The following ANKS1B variants were observed in gnomAD, a reference collection of about 807,000 sequenced individuals.
The protein encoded by ANKS1B is ankyrin repeat and sterile alpha motif domain containing 1B.
A neutral mutation model predicts 148.3 loss-of-function variants in ANKS1B; 36 were observed. That is an observed-to-expected ratio of 0.24 (90% CI 0.19 to 0.32). The LOEUF is 0.32. Among genes scored for constraint, ANKS1B ranks in the 10% least tolerant of loss-of-function variants. ANKS1B has a pLI of 1.00. For synonymous variants in ANKS1B, 542 were observed against 560.8 expected (o/e 0.97, Z 0.47); for missense variants, 1,157 against 1,542.6 (o/e 0.75, Z 4.19).
intron 1 of ANKS1B, among the ~76,000 whole-genome samples, chr12:99,935,722 C>T (rs1489057092): frequency 1.3e-5 from 2 of 152,028 alleles, no homozygotes; most frequent in African/African-American, 4.8e-5. Flanking sequence ...AAACCCAATC[C>T]CTTTTAAAGG....
At position 99,399,685 on chromosome 12, in the gene ANKS1B, G is replaced by A. The variant is rs749333362; in HGVS notation, c.1702C>T (p.Pro568Ser). 24 of 1,613,392 alleles carry A rather than the reference G, an allele frequency of 1.5e-5. No homozygotes were observed. In the Admixed American group the frequency reaches 2.7e-4, roughly 18 times the overall value. Residue 568 changes from proline to serine, a missense_variant, in exon 12 of 27, where the codon CCC becomes TCC. By Grantham distance (74) the Pro-to-Ser change is moderately conservative. Transcript: ENST00000683438. The stretch of plus-strand genomic sequence containing the variant: ...TCTGTGGTTCCCACAGAAGAGGTGG[G>A]TGGACTAGCAGGAGGACTGGCAGTA... ...SFTASPPASPPTSSVGTTEVK... is the reference protein window; with the variant it reads ...SFTASPPASPSTSSVGTTEVK...
intron 15 of ANKS1B, among the ~76,000 whole-genome samples, chr12:99,115,233 T>C (rs1387247313): frequency 6.6e-6 from 1 of 152,112 alleles, no homozygotes; most frequent in Admixed American, 6.5e-5. Context: ...TGCCCATCAA[T>C]GACAGATGGA....
chr12:99,119,704 G>C (rs2062268610), intron 15 of ANKS1B, among the ~76,000 whole-genome samples: 1 of 152,160 alleles, frequency 6.6e-6, no homozygotes. Flanking sequence ...TTGACACACA[G>C]GTGCAGTGAG....
At chr12:98,936,733 A>G (rs1177862320) in intron 17 of ANKS1B, among the ~76,000 whole-genome samples, 1 of 152,210 alleles carries the variant, frequency 6.6e-6, no homozygotes, top group Non-Finnish European at 1.5e-5. Context: ...CTAGATCTCA[A>G]TACAGTGGTC....
chr12:99,646,566 A>T (rs2098367726), intron 9 of ANKS1B, among the ~76,000 whole-genome samples: 1 of 150,728 alleles, frequency 6.6e-6, no homozygotes, highest in South Asian at 2.1e-4. Flanking sequence ...ATGCAGGAGA[A>T]TCACTTGAAC....
In ANKS1B at chr12:99,695,080, G is replaced by A. The variant is rs1054847585; in HGVS notation, c.1129-39870C>T. Among the ~76,000 whole-genome samples the A allele has an allele frequency of 3.3e-5, 5 of 152,134 alleles. No homozygotes were observed. In the East Asian group the frequency reaches 9.6e-4, roughly 29 times the overall value. On this transcript the variant is annotated intron_variant, in intron 8 of 26. Coordinates refer to ENST00000683438, the MANE Select transcript of ANKS1B (RefSeq NM_001352186.2). The stretch of plus-strand genomic sequence containing the variant: ...TACTAGGAATATCTCAAAGTGGGGG[G>A]GAAATAGTGCTTCTGTGCTTAACAA...
intron 8 of ANKS1B, among the ~76,000 whole-genome samples, chr12:99,671,799 C>T (rs1219795184): frequency 6.6e-6 from 1 of 152,058 alleles, no homozygotes; most frequent in African/African-American, 2.4e-5. Flanking sequence ...TGTGGTACTA[C>T]TCCAGATATT....
In ANKS1B at chr12:99,803,275, A is replaced by ACCCC. The variant is rs35970531; in HGVS notation, c.669+3125_669+3128dup. Among the ~76,000 whole-genome samples the ACCCC allele has an allele frequency of 4.6e-3, 409 of 89,838 alleles. 9 individuals are homozygous for ACCCC. Among genetic ancestry groups the ACCCC allele is most frequent in the South Asian group, 0.012 (24 of 2,022 alleles). The allele number at this position is 89,838 out of a possible 152,430, so 58.9% of individuals were successfully genotyped here. On this transcript the variant is annotated intron_variant, in intron 4 of 26. Transcript: ENST00000683438. ...ATTTGAGTAATAAAATTAAATATTCACCCCCCCCCAAAAAAAAAGGCAATG... is the reference window on the plus strand; with the variant it reads ...ATTTGAGTAATAAAATTAAATATTCACCCCCCCCCCCCCAAAAAAAAAGGCAATG...
At chr12:99,932,145 C>A (rs1443564837) in intron 1 of ANKS1B, among the ~76,000 whole-genome samples, 1 of 152,144 alleles carries the variant, frequency 6.6e-6, no homozygotes, top group Admixed American at 6.5e-5. Context: ...GTATACGTGA[C>A]ACATTTTCTT....
At chr12:99,659,937 C>T (rs577746546) in intron 8 of ANKS1B, among the ~76,000 whole-genome samples, 257 of 152,118 alleles carry the variant, frequency 1.7e-3, no homozygotes, top group African/African-American at 5.9e-3. Context: ...TTCAAGGGGA[C>T]AACAAATGTT....
At chr12:99,537,266 G>A (rs2097079687) in intron 9 of ANKS1B, among the ~76,000 whole-genome samples, 1 of 152,072 alleles carries the variant, frequency 6.6e-6, no homozygotes. Context: ...CCTTTTCTTT[G>A]GGTATATATC....
At chr12:99,368,376 TA>T (rs2092903293) in intron 12 of ANKS1B, among the ~76,000 whole-genome samples, 1 of 152,050 alleles carries the variant, frequency 6.6e-6, no homozygotes, top group Admixed American at 6.6e-5. Context: ...ATGAATCTAA[TA>T]TAAAAGTTAA....
At chr12:99,775,466 T>C in intron 7 of ANKS1B, 82 bp downstream of exon 7, 2 of 853,598 alleles carry the variant, frequency 2.3e-6, no homozygotes, top group South Asian at 1.6e-5. Context: ...GAGTATAGGA[T>C]ATAACCTATT....
At chr12:99,860,509 G>C (rs900641758) in intron 1 of ANKS1B, among the ~76,000 whole-genome samples, 13 of 152,194 alleles carry the variant, frequency 8.5e-5, no homozygotes, top group African/African-American at 2.9e-4. Flanking sequence ...AGAATCTTAA[G>C]TAGTTGACTG....
At chr12:99,576,484 G>A (rs2097521601) in intron 9 of ANKS1B, among the ~76,000 whole-genome samples, 1 of 152,074 alleles carries the variant, frequency 6.6e-6, no homozygotes, top group Non-Finnish European at 1.5e-5. Flanking sequence ...ACACTTGGCT[G>A]TAAAGCAATT....
At chr12:99,157,601 A>C (rs1404315789) in intron 14 of ANKS1B, among the ~76,000 whole-genome samples, 2 of 152,048 alleles carry the variant, frequency 1.3e-5, no homozygotes, top group South Asian at 2.1e-4. Context: ...GGGAAGAAAA[A>C]ATGTGTGTGT....
intron 15 of ANKS1B, among the ~76,000 whole-genome samples, chr12:99,112,168 C>CA (rs2060420593): frequency 6.6e-6 from 1 of 152,112 alleles, no homozygotes; most frequent in South Asian, 2.1e-4. Flanking sequence ...AGCAACTCCA[C>CA]AGTGAAGCTG....
At chr12:99,642,354 C>T (rs2098316719) in intron 9 of ANKS1B, among the ~76,000 whole-genome samples, 1 of 120,970 alleles carries the variant, frequency 8.3e-6, no homozygotes, top group Non-Finnish European at 1.9e-5. Flanking sequence ...ATTTCTGTAG[C>T]TATTGTATCT....
At position 99,601,252 on chromosome 12, in the gene ANKS1B, C is replaced by T. The variant is rs556404622; in HGVS notation, c.1272+53815G>A. ...TACATCTGCCTTTTATTTCTGCCTA[C>T]GAAGATTTTAACAAATTTTTAACCT... On this transcript the variant is annotated intron_variant, in intron 9 of 26. Transcript: ENST00000683438. 2.8e-4 allele frequency among the ~76,000 whole-genome samples: 43 copies of T among 152,024 alleles called. 1 individual carries two copies. The highest frequency in any genetic ancestry group is 4.4e-4 in the Non-Finnish European group (30 of 67,990).
Sources: gnomAD v4.1 joint callset for allele counts (sites outside exome capture counted in the v4.1 genomes callset) on GRCh38, gnomAD v4.1.1 for gene constraint, MANE v1.5 for transcripts, NCBI Gene and HGNC (gene_info 2026-07-23, HGNC 2026-07-21) for gene names.